Variants in GLRX3 observed in about 807,000 individuals in gnomAD.
GLRX3 encodes the protein glutaredoxin-3.
Under a neutral mutation model 49.5 loss-of-function variants are expected in GLRX3, and 22 were observed. The observed-to-expected ratio is 0.44, with a 90% CI of 0.32 to 0.63. GLRX3 has a LOEUF of 0.63. Ranked by LOEUF, GLRX3 falls within the 30% of genes least tolerant of loss-of-function variation. The pLI is 0.05. For missense variants in GLRX3, 385 were observed against 396.3 expected (o/e 0.97, Z 0.24); for synonymous variants, 133 against 140.0 (o/e 0.95, Z 0.35).
chr10:130,145,226 C>T lies in GLRX3; in HGVS notation c.108C>T (p.Val36=). 6 of 1,449,756 alleles carry T rather than the reference C, an allele frequency of 4.1e-6. No homozygotes were observed. Among genetic ancestry groups the T allele is most frequent in the Non-Finnish European group, 5.7e-6 (6 of 1,046,634 alleles). The allele number at this position is 1,449,756 out of a possible 1,614,324, so 89.8% of individuals were successfully genotyped here. Residue 36 remains valine, a synonymous_variant, in exon 2 of 11, where the codon GTC becomes GTT. Coordinates refer to ENST00000331244, the MANE Select transcript of GLRX3 (RefSeq NM_006541.5). Reference sequence around the variant, plus strand: ...TGATTTACAGGTCCCTCCTTGTGGTCCATTTCTGGGCACCATGGGCTCCAC... The same window carrying T: ...TGATTTACAGGTCCCTCCTTGTGGTTCATTTCTGGGCACCATGGGCTCCAC... ...LRLKAKSLLV[V]HFWAPWAPQC... is the part of the protein sequence containing the mutation.
chr10:130,145,302 C>T lies in GLRX3; in HGVS notation c.184C>T (p.Gln62Ter). The change falls in exon 2 of 11, where the codon CAA (glutamine) becomes TAA (stop). Residue 62 changes from glutamine (Q) to a stop codon, truncating the protein, a stop_gained. Coordinates refer to ENST00000331244, the MANE Select transcript of GLRX3 (RefSeq NM_006541.5). LOFTEE classifies it high-confidence loss of function. ...GGCAGAGTTAGCTAAAGAACTCCCTCAAGTTTCATTTGTGAAGGTATTTAT... is the reference window on the plus strand; with the variant it reads ...GGCAGAGTTAGCTAAAGAACTCCCTTAAGTTTCATTTGTGAAGGTATTTAT... Reference protein sequence around the residue: ...VMAELAKELPQVSFVKLEAEG... With the variant: ...VMAELAKELP The T allele has an allele frequency of 7.0e-7, 1 of 1,438,398 alleles. No individual in the cohort carries two copies. The highest frequency in any genetic ancestry group is 9.8e-7 in the Non-Finnish European group (1 of 1,020,086). The allele number at this position is 1,438,398 out of a possible 1,614,324, so 89.1% of individuals were successfully genotyped here. A position where few individuals can be genotyped will look rare whatever the true frequency, so the allele number is the denominator to read the frequency against.
chr10:130,176,176 A>G (rs1046784835), intron 10 of GLRX3, among the ~76,000 whole-genome samples: 5 of 150,846 alleles, frequency 3.3e-5, no homozygotes, highest in East Asian at 1.9e-4. Flanking sequence ...CTGGAGTGCA[A>G]TGGTGCAATC....
chr10:130,148,282 A>G (rs955292336), intron 2 of GLRX3, among the ~76,000 whole-genome samples: 1 of 151,210 alleles, frequency 6.6e-6, no homozygotes, highest in African/African-American at 2.4e-5. Flanking sequence ...ATAGGTGTAC[A>G]CCCCTGCCCA....
chr10:130,146,354 G>C (rs1277461046), intron 2 of GLRX3, among the ~76,000 whole-genome samples: 1 of 152,236 alleles, frequency 6.6e-6, no homozygotes, highest in Non-Finnish European at 1.5e-5. Context: ...GATGAAGGCA[G>C]ACCTCCGGGA....
chr10:130,150,000 A>G (rs1862342349), intron 2 of GLRX3, among the ~76,000 whole-genome samples: 1 of 150,092 alleles, frequency 6.7e-6, no homozygotes, highest in Non-Finnish European at 1.5e-5. Flanking sequence ...GCACTTTGGG[A>G]GGCCGAGGCG....
chr10:130,157,737 C>T (rs969584056), intron 2 of GLRX3, among the ~76,000 whole-genome samples: 1 of 151,996 alleles, frequency 6.6e-6, no homozygotes, highest in Non-Finnish European at 1.5e-5. Context: ...TCGCACCTTT[C>T]AAAATTGTCT....
intron 10 of GLRX3, among the ~76,000 whole-genome samples, chr10:130,176,672 A>C (rs1862926313): frequency 6.6e-6 from 1 of 152,008 alleles, no homozygotes; most frequent in African/African-American, 2.4e-5. Context: ...GGAGGAAAAA[A>C]TTTTTAAGAC....
chr10:130,163,746 G>C (rs1404717669), intron 4 of GLRX3, among the ~76,000 whole-genome samples: 1 of 152,136 alleles, frequency 6.6e-6, no homozygotes, highest in African/African-American at 2.4e-5. Flanking sequence ...ACCCTCTGCT[G>C]TTCCTTTCTG....
intron 2 of GLRX3, among the ~76,000 whole-genome samples, chr10:130,146,333 A>G (rs914695110): frequency 3.9e-5 from 6 of 152,232 alleles, no homozygotes; most frequent in Non-Finnish European, 8.8e-5. Context: ...GGAAGTTGCT[A>G]TCTTGGTTTA....
intron 10 of GLRX3, among the ~76,000 whole-genome samples, chr10:130,178,672 G>A (rs963745686): frequency 1.3e-5 from 2 of 152,012 alleles, no homozygotes; most frequent in African/African-American, 2.4e-5. Flanking sequence ...TAAACAATCT[G>A]TTGGTTTTAG....
At chr10:130,136,579 G>A in intron 1 of GLRX3, 67 bp downstream of exon 1, 1 of 1,240,774 alleles carries the variant, frequency 8.1e-7, no homozygotes. Flanking sequence ...CCGGGCCGGT[G>A]TGGGGCGGCG....
chr10:130,160,995 G>C lies in GLRX3; in HGVS notation c.476G>C (p.Cys159Ser). Reference sequence around the variant, plus strand: ...AAAGGAACTCCTCAAGAACCACGCTGTGGTAAGAAGCTGCCTTTAACATAA... The same window carrying C: ...AAAGGAACTCCTCAAGAACCACGCTCTGGTAAGAAGCTGCCTTTAACATAA... ...FMKGTPQEPR[C>S]GFSKQMVEIL... Residue 159 changes from cysteine to serine, a missense_variant and splice_region_variant, in exon 4 of 11, where the codon TGT becomes TCT. Cys to Ser is a moderately radical substitution (Grantham distance 112). This residue lies in a region of GLRX3 where 374 missense variants were observed against 358.6 expected (regional missense o/e 1.04). Coordinates refer to ENST00000331244, the MANE Select transcript of GLRX3 (RefSeq NM_006541.5). 1 of 1,609,342 alleles carries C rather than the reference G, an allele frequency of 6.2e-7. No homozygotes were observed. The highest frequency in any genetic ancestry group is 8.5e-7 in the Non-Finnish European group (1 of 1,176,776).
chr10:130,176,112 GTTTT>G (rs553426083), intron 10 of GLRX3, among the ~76,000 whole-genome samples: 1 of 139,116 alleles, frequency 7.2e-6, no homozygotes, highest in African/African-American at 2.6e-5. Flanking sequence ...TAAAATAAAA[GTTTT>G]TTTTTTTTTT....
chr10:130,145,607 A>C (rs1441287984), intron 2 of GLRX3, among the ~76,000 whole-genome samples: 7 of 152,058 alleles, frequency 4.6e-5, no homozygotes, highest in Non-Finnish European at 8.8e-5. Context: ...GATTGCAGTG[A>C]GCCGAGATTG....
intron 6 of GLRX3, 33 bp downstream of exon 6, chr10:130,167,013 C>G: frequency 8.8e-7 from 1 of 1,131,508 alleles, no homozygotes. Context: ...AATAGCCTAT[C>G]ATTTAATATA....
At chr10:130,140,606 T>G (rs923358628) in intron 1 of GLRX3, among the ~76,000 whole-genome samples, 6 of 152,230 alleles carry the variant, frequency 3.9e-5, no homozygotes, top group Non-Finnish European at 8.8e-5. Flanking sequence ...GGAAGTTAAA[T>G]TACTCTTCAA....
intron 8 of GLRX3, among the ~76,000 whole-genome samples, chr10:130,173,705 T>G (rs1436971073): frequency 1.3e-5 from 2 of 152,230 alleles, no homozygotes; most frequent in African/African-American, 4.8e-5. Flanking sequence ...TCTGCCACCT[T>G]TAGTTCAACT....
At chr10:130,144,777 A>G (rs1169596791) in intron 1 of GLRX3, among the ~76,000 whole-genome samples, 2 of 152,198 alleles carry the variant, frequency 1.3e-5, no homozygotes, top group African/African-American at 4.8e-5. Context: ...TAATGTGTGC[A>G]TGTGTCTTTA....
intron 4 of GLRX3, 47 bp from the exon 5 acceptor site, chr10:130,166,460 T>G: frequency 7.1e-7 from 1 of 1,417,362 alleles, no homozygotes; most frequent in African/African-American, 1.4e-5. Flanking sequence ...TGTGTATGTG[T>G]TTTGGGAGAG....
Sources: gnomAD v4.1 joint callset for allele counts (sites outside exome capture counted in the v4.1 genomes callset) on GRCh38, gnomAD v4.1.1 for gene constraint, gnomAD v4.1.1 regional missense constraint, MANE v1.5 for transcripts, NCBI Gene and HGNC (gene_info 2026-07-23, HGNC 2026-07-21) for gene names.